Variants in PACRG observed in about 807,000 individuals in gnomAD.
PACRG encodes the protein parkin coregulated.
In PACRG, 29 loss-of-function variants were observed where a neutral mutation model predicts 29.7. The ratio of observed to expected loss-of-function variants is 0.98; its 90% CI spans 0.73 to 1.33. PACRG has a LOEUF of 1.33. PACRG is among the 40% of genes most tolerant of loss of function. The pLI is 0.00. For missense variants in PACRG, 279 were observed against 316.2 expected, an observed-to-expected ratio of 0.88 and a Z score of 0.89; for synonymous variants, 116 against 118.7, an observed-to-expected ratio of 0.98 and a Z score of 0.15.
At chr6:162,829,749 C>T (rs990352520) in intron 2 of PACRG, among the ~76,000 whole-genome samples, 8 of 152,082 alleles carry the variant, frequency 5.3e-5, no homozygotes, top group African/African-American at 1.9e-4. Flanking sequence ...GGAAGGGCAC[C>T]CCTCACATAT....
At chr6:163,096,755 A>G (rs1814627683) in intron 4 of PACRG, among the ~76,000 whole-genome samples, 1 of 152,292 alleles carries the variant, frequency 6.6e-6, no homozygotes, top group South Asian at 2.1e-4. Context: ...AATGTCTCCT[A>G]CCTGCAGCAC....
chr6:162,813,022 T>C (rs116244061), intron 1 of PACRG, among the ~76,000 whole-genome samples: 3,108 of 152,130 alleles, frequency 0.02, 108 homozygotes, highest in African/African-American at 0.069. Flanking sequence ...TGTAATAAGG[T>C]ATTTCTTAAT....
intron 3 of PACRG, among the ~76,000 whole-genome samples, chr6:163,068,153 T>TCAGC (rs1811717622): frequency 6.6e-6 from 1 of 152,226 alleles, no homozygotes; most frequent in African/African-American, 2.4e-5. Flanking sequence ...ACCTCTTTCC[T>TCAGC]TAGCTCTTTG....
chr6:162,991,965 G>C (rs1407639758), intron 2 of PACRG, among the ~76,000 whole-genome samples: 5 of 123,854 alleles, frequency 4.0e-5, no homozygotes, highest in Non-Finnish European at 4.8e-5. Flanking sequence ...GTTGAATTTT[G>C]TCAAAGGCCT....
intron 4 of PACRG, among the ~76,000 whole-genome samples, chr6:163,208,459 A>G (rs1036736168): frequency 1.3e-5 from 2 of 152,178 alleles, no homozygotes; most frequent in East Asian, 1.9e-4. Context: ...TAAAATTAGC[A>G]TCTTCTCTAT....
chr6:162,874,112 A>C (rs1793060056), intron 2 of PACRG, among the ~76,000 whole-genome samples: 1 of 144,524 alleles, frequency 6.9e-6, no homozygotes, highest in African/African-American at 2.5e-5. Context: ...TCCAAACCAG[A>C]CAGATCAGGC....
chr6:162,770,029 C>G (rs541113429), intron 1 of PACRG, among the ~76,000 whole-genome samples: 2 of 152,102 alleles, frequency 1.3e-5, no homozygotes, highest in East Asian at 3.9e-4. Context: ...AGGGCTATCA[C>G]AAATAAATGA....
At chr6:162,831,934 G>A (rs1788807546) in intron 2 of PACRG, among the ~76,000 whole-genome samples, 1 of 152,090 alleles carries the variant, frequency 6.6e-6, no homozygotes, top group South Asian at 2.1e-4. Flanking sequence ...TTGATTCCAT[G>A]TCTTTGCTAT....
chr6:162,901,983 G>T (rs762781118), intron 2 of PACRG, among the ~76,000 whole-genome samples: 1 of 152,232 alleles, frequency 6.6e-6, no homozygotes, highest in Non-Finnish European at 1.5e-5. Context: ...CAATGCCCAG[G>T]CGTATTGCCT....
chr6:163,207,444 T>C (rs1780952296), intron 4 of PACRG, among the ~76,000 whole-genome samples: 1 of 152,154 alleles, frequency 6.6e-6, no homozygotes, highest in African/African-American at 2.4e-5. Context: ...CCTCAAGAAA[T>C]ACTGAAATCG....
Position 162,901,878 on chromosome 6 carries a change from G to T in PACRG, c.291+87597G>T, listed in dbSNP as rs569262231. Among the ~76,000 whole-genome samples, 7 of 152,292 alleles carry T rather than the reference G, an allele frequency of 4.6e-5. No homozygotes were observed. In the East Asian group the frequency reaches 1.4e-3, roughly 29 times the overall value. On this transcript the variant is annotated intron_variant, in intron 2 of 4. Transcript: ENST00000366888. ...CACCAAAAAAATATTTGCCACAATG[G>T]CAGGATCGCTAAGGTAATTACAGTT...
At chr6:163,088,431 C>T (rs1813792018) in intron 3 of PACRG, among the ~76,000 whole-genome samples, 1 of 152,164 alleles carries the variant, frequency 6.6e-6, no homozygotes. Context: ...AAGTGCATAA[C>T]AGGCTCCCAT....
At chr6:162,758,110 A>G (rs1246751581) in intron 1 of PACRG, among the ~76,000 whole-genome samples, 1 of 152,224 alleles carries the variant, frequency 6.6e-6, no homozygotes, top group African/African-American at 2.4e-5. Context: ...TCAATTAAAT[A>G]TAAACCAAAT....
intron 4 of PACRG, among the ~76,000 whole-genome samples, chr6:163,239,489 C>G (rs763013587): frequency 2.8e-4 from 43 of 152,088 alleles, no homozygotes; most frequent in Non-Finnish European, 5.7e-4. Flanking sequence ...AGAATTAGCT[C>G]CATCAGAATT....
At chr6:163,269,818 AAG>A (rs1783675264) in intron 4 of PACRG, among the ~76,000 whole-genome samples, 7 of 56,460 alleles carry the variant, frequency 1.2e-4, no homozygotes, top group Non-Finnish European at 1.7e-4. Flanking sequence ...GGAAGGAAGG[AAG>A]GAGAAAGAAA....
At chr6:163,180,650 T>G (rs1779609710) in intron 4 of PACRG, among the ~76,000 whole-genome samples, 1 of 151,938 alleles carries the variant, frequency 6.6e-6, no homozygotes, top group South Asian at 2.1e-4. Flanking sequence ...AAAAATTCAT[T>G]GAGTTTAAGA....
rs1331493036 is a variant in PACRG at position 162,995,336 on chromosome 6, C to A, written c.292-66814C>A. Among the ~76,000 whole-genome samples, 4 of 151,230 alleles carry A rather than the reference C, an allele frequency of 2.6e-5. 1 individual carries two copies. The highest frequency in any genetic ancestry group is 6.6e-5 in the Admixed American group (1 of 15,220). ...TGGGCAATGGCGGGCGCCCCTCCCC[C>A]AGCCTCGCTGCCGCCTTGCAGTTTG... On this transcript the variant is annotated intron_variant, in intron 2 of 4. Coordinates refer to ENST00000366888, the MANE Select transcript of PACRG (RefSeq NM_001080379.2).
At chr6:163,174,695 C>A (rs1380376058) in intron 4 of PACRG, among the ~76,000 whole-genome samples, 1 of 152,100 alleles carries the variant, frequency 6.6e-6, no homozygotes, top group African/African-American at 2.4e-5. Flanking sequence ...CAACTTAAAC[C>A]TCTCAGAAGA....
intron 4 of PACRG, among the ~76,000 whole-genome samples, chr6:163,193,688 A>C (rs12529332): frequency 0.22 from 33,300 of 151,972 alleles, 4,173 homozygotes; most frequent in East Asian, 0.3. Context: ...GAACTCGACA[A>C]ATTTTCCTCA....
Sources: gnomAD v4.1 joint callset for allele counts (sites outside exome capture counted in the v4.1 genomes callset) on GRCh38, gnomAD v4.1.1 for gene constraint, MANE v1.5 for transcripts, NCBI Gene and HGNC (gene_info 2026-07-23, HGNC 2026-07-21) for gene names.